FBRSL1: variants seen among roughly 807,000 people sequenced by gnomAD.
FBRSL1 encodes the protein fibrosin like 1.
FBRSL1 carries 51 observed loss-of-function variants against 89.6 expected under a neutral mutation model. The ratio of observed to expected loss-of-function variants is 0.57; its 90% CI spans 0.45 to 0.72. FBRSL1 has a LOEUF of 0.72. FBRSL1 is among the 30% of genes least tolerant of loss of function. FBRSL1 has a pLI of 0.00. For synonymous variants in FBRSL1, 779 were observed against 681.1 expected, an observed-to-expected ratio of 1.14 and a Z score of -2.24; for missense variants, 1,618 against 1,451.8, an observed-to-expected ratio of 1.11 and a Z score of -1.86.
intron 4 of FBRSL1, among the ~76,000 whole-genome samples, chr12:132,540,484 C>T (rs2137185502): frequency 6.6e-6 from 1 of 151,720 alleles, no homozygotes; most frequent in Admixed American, 6.5e-5. Flanking sequence ...CCACTCTGGT[C>T]CCTGGCACAC....
At chr12:132,500,277 T>C (rs1335970809) in intron 1 of FBRSL1, among the ~76,000 whole-genome samples, 1 of 152,088 alleles carries the variant, frequency 6.6e-6, no homozygotes, top group Non-Finnish European at 1.5e-5. Flanking sequence ...AGCAGCCGAG[T>C]GTGTCCCAGG....
At chr12:132,572,477 G>A (rs1343148887) in intron 10 of FBRSL1, 50 bp from the exon 11 acceptor site, 12 of 1,502,084 alleles carry the variant, frequency 8.0e-6, no homozygotes, top group Admixed American at 2.0e-5. Context: ...CAGGCAGAGG[G>A]TGGGGTGAGG....
chr12:132,537,594 G>T (rs2036868287), intron 4 of FBRSL1, among the ~76,000 whole-genome samples: 1 of 152,216 alleles, frequency 6.6e-6, no homozygotes, highest in Admixed American at 6.5e-5. Context: ...GTCTAATTCT[G>T]CACATGTCTG....
intron 1 of FBRSL1, among the ~76,000 whole-genome samples, chr12:132,493,828 G>T (rs150708136): frequency 6.6e-6 from 1 of 152,358 alleles, no homozygotes; most frequent in East Asian, 1.9e-4. Flanking sequence ...TCCTGGGCCT[G>T]TGTGTGCTGT....
chr12:132,491,371 G>C (rs572023167), intron 1 of FBRSL1, among the ~76,000 whole-genome samples: 1 of 152,310 alleles, frequency 6.6e-6, no homozygotes, highest in South Asian at 2.1e-4. Context: ...TAATAGATTG[G>C]CCAAAAATAT....
In FBRSL1 at chr12:132,574,660, C is replaced by T. The variant is rs545357717; in HGVS notation, c.1701+96C>T. 8.6e-5 allele frequency: 122 copies of T among 1,425,184 alleles called. No individual in the cohort carries two copies. The African/African-American group carries it at 1.6e-3, about 19-fold the overall frequency. The allele number at this position is 1,425,184 out of a possible 1,614,324, so 88.3% of individuals were successfully genotyped here. On this transcript the variant is annotated intron_variant, in intron 14 of 18. Coordinates refer to ENST00000680143, the MANE Select transcript of FBRSL1 (RefSeq NM_001367871.1). ...GCATGAGGCTGTGTGTGTTCACACG[C>T]GTGTGCACGGGTGTGATCCTCACGC...
In FBRSL1 at chr12:132,570,126, A is replaced by G. The variant is rs963013936; in HGVS notation, c.892A>G (p.Thr298Ala). The G allele has an allele frequency of 2.2e-4, 330 of 1,473,430 alleles. No homozygotes were observed. The African/African-American group carries it at 4.5e-3, about 20-fold the overall frequency. 91.3% of individuals were successfully genotyped at this position (1,473,430 alleles called of 1,614,324 possible). Residue 298 changes from threonine to alanine, a missense_variant, in exon 7 of 19, where the codon ACC becomes GCC. By Grantham distance (58) the Thr-to-Ala change is moderately conservative. Transcript: ENST00000680143. The stretch of plus-strand genomic sequence containing the variant: ...GGAACCCCCCGCCCCGCACCGCCAC[A>G]CCCCGCAGCCGCCACCCCCGCAGCC... ...KKEPPAPHRH[T>A]PQPPPPQPRG...
At chr12:132,574,038 C>T (rs1483805021) in intron 11 of FBRSL1, 52 bp from the exon 12 acceptor site, 5 of 1,179,546 alleles carry the variant, frequency 4.2e-6, no homozygotes, top group Non-Finnish European at 5.3e-6. Context: ...CCGAGGCGTC[C>T]TCCTGCCTGG....
intron 2 of FBRSL1, chr12:132,509,442 C>T (rs945874394): frequency 1.9e-5 from 24 of 1,240,854 alleles, no homozygotes; most frequent in Admixed American, 4.2e-5. Flanking sequence ...CCGGCCCCAG[C>T]GGCTCCTTCC....
chr12:132,506,135 G>A (rs908420997), intron 1 of FBRSL1, among the ~76,000 whole-genome samples: 3 of 152,182 alleles, frequency 2.0e-5, no homozygotes, highest in African/African-American at 4.8e-5. Context: ...CAGGACAGAT[G>A]GACATTCTGG....
At chr12:132,495,587 G>A (rs1054181412) in intron 1 of FBRSL1, among the ~76,000 whole-genome samples, 1 of 152,228 alleles carries the variant, frequency 6.6e-6, no homozygotes, top group Non-Finnish European at 1.5e-5. Flanking sequence ...CACAGAGAGG[G>A]GAAGTGCTTT....
chr12:132,583,950 T>G lies in FBRSL1; in HGVS notation c.*172T>G. 1.7e-5 allele frequency: 5 copies of G among 294,616 alleles called. No individual in the cohort carries two copies. Among genetic ancestry groups the G allele is most frequent in the Non-Finnish European group, 1.2e-5 (2 of 162,154 alleles). The allele number at this position is 294,616 out of a possible 1,614,324, so 18.3% of individuals were successfully genotyped here. On this transcript the variant is annotated 3_prime_UTR_variant, in exon 19 of 19. Coordinates refer to ENST00000680143, the MANE Select transcript of FBRSL1 (RefSeq NM_001367871.1). ...GCTTTTCTGAGGGTGATCTTTTGTTTTCCGAGTTTGGGATTCGGCTGTTGG... is the reference window on the plus strand; with the variant it reads ...GCTTTTCTGAGGGTGATCTTTTGTTGTCCGAGTTTGGGATTCGGCTGTTGG...
chr12:132,548,855 G>A (rs1282277638), intron 5 of FBRSL1, among the ~76,000 whole-genome samples: 1 of 152,230 alleles, frequency 6.6e-6, no homozygotes, highest in East Asian at 1.9e-4. Context: ...CCCTGCAGAG[G>A]CCCGAGGCGG....
chr12:132,506,452 C>T (rs922507147), intron 1 of FBRSL1, among the ~76,000 whole-genome samples: 1 of 152,232 alleles, frequency 6.6e-6, no homozygotes, highest in Non-Finnish European at 1.5e-5. Context: ...CAGATCTGCC[C>T]TCTGCCTGTC....
At position 132,518,684 on chromosome 12, in the gene FBRSL1, T is replaced by A. The variant is rs1056374724; in HGVS notation, c.490-7050T>A. ...CATCCATCCATCCACCCATCTGTCC[T>A]TCCATCCACCCATCTGTCCATCCAT... On this transcript the variant is annotated intron_variant, in intron 2 of 18. Coordinates refer to ENST00000680143, the MANE Select transcript of FBRSL1 (RefSeq NM_001367871.1). 1.0e-3 allele frequency among the ~76,000 whole-genome samples: 137 copies of A among 130,976 alleles called. 1 individual carries two copies. The highest frequency in any genetic ancestry group is 6.3e-3 in the Middle Eastern group (1 of 158). The allele number at this position is 130,976 out of a possible 152,430, so 85.9% of individuals were successfully genotyped here. A position where few individuals can be genotyped will look rare whatever the true frequency, so the allele number is the denominator to read the frequency against.
Position 132,519,158 on chromosome 12 carries a change from T to C in FBRSL1, c.490-6576T>C, listed in dbSNP as rs559295916. Reference sequence around the variant, plus strand: ...TGAGTCCCTGTTTACTGTGTCTGCCTGTGCTAGGTAGGCAAGGATAAAAGA... The same window carrying C: ...TGAGTCCCTGTTTACTGTGTCTGCCCGTGCTAGGTAGGCAAGGATAAAAGA... On this transcript the variant is annotated intron_variant, in intron 2 of 18. Transcript: ENST00000680143. Among the ~76,000 whole-genome samples, 6 of 152,396 alleles carry C rather than the reference T, an allele frequency of 3.9e-5. No individual in the cohort carries two copies. In the East Asian group the frequency reaches 9.6e-4, roughly 24 times the overall value.
intron 18 of FBRSL1, 22 bp from the exon 19 acceptor site, chr12:132,582,949 G>C (rs1026333915): frequency 2.2e-6 from 3 of 1,382,304 alleles, no homozygotes; most frequent in Non-Finnish European, 1.9e-6. Context: ...CGGGAGTGAC[G>C]GGTCCGCCCT....
rs1052048239 is a variant in FBRSL1, at chr12:132,582,084, C to T, written c.2019C>T (p.Ala673=). ...CAGCTCCCGGTGGCAGCATCTTTGC[C>T]CCCAAGGAGGGCTCCTCCGTGCACG... The part of the protein sequence containing the change: ...HALAPGGSIF[A]PKEGSSVHGL... The change falls in exon 18 of 19, where the codon GCC becomes GCT. Residue 673 remains alanine, a synonymous_variant. Transcript: ENST00000680143. The T allele has an allele frequency of 6.5e-7, 1 of 1,548,210 alleles. No homozygotes were observed. Among genetic ancestry groups the T allele is most frequent in the Admixed American group, 2.0e-5 (1 of 50,926 alleles).
chr12:132,581,590 G>C, intron 16 of FBRSL1, 74 bp downstream of exon 16: 1 of 1,524,702 alleles, frequency 6.6e-7, no homozygotes. Context: ...AATTAGGTGG[G>C]CGGGAAGGTG....
Sources: gnomAD v4.1 joint callset for allele counts (sites outside exome capture counted in the v4.1 genomes callset) on GRCh38, gnomAD v4.1.1 for gene constraint, MANE v1.5 for transcripts, NCBI Gene and HGNC (gene_info 2026-07-23, HGNC 2026-07-21) for gene names.